BLTP1: variants seen among roughly 807,000 people sequenced by gnomAD.
BLTP1 encodes fragile site-associated protein.
chr4:122,270,372 G>A, the BLTP1 span: 1 of 983,410 alleles, frequency 1.0e-6, no homozygotes, highest in Non-Finnish European at 1.2e-6. Flanking sequence ...GGTGCTTGGG[G>A]CTTATTGTTA....
At chr4:122,290,945 ATTTC>A in the BLTP1 span, 1 of 758,462 alleles carries the variant, frequency 1.3e-6, no homozygotes, top group Non-Finnish European at 1.6e-6. Context: ...CTAATCTTGT[ATTTC>A]TTATGGTAAA....
the BLTP1 span, chr4:122,174,426 A>G: frequency 1.4e-6 from 2 of 1,391,468 alleles, no homozygotes; most frequent in South Asian, 3.1e-5. Context: ...GAATGATGGA[A>G]AATCAGTAAG....
At chr4:122,291,648 C>A in the BLTP1 span, 2 of 729,318 alleles carry the variant, frequency 2.7e-6, no homozygotes, top group Non-Finnish European at 3.4e-6. Flanking sequence ...TGTAAGTAAG[C>A]ACTGATCAAG....
chr4:122,314,902 GCC>G, the BLTP1 span, among the ~76,000 whole-genome samples: 4 of 152,116 alleles, frequency 2.6e-5, no homozygotes, highest in African/African-American at 9.7e-5. Context: ...CAATTCAGGA[GCC>G]CTTAGGAACT....
the BLTP1 span, among the ~76,000 whole-genome samples, chr4:122,230,470 A>G: frequency 5.9e-5 from 9 of 152,222 alleles, no homozygotes; most frequent in African/African-American, 2.2e-4. Context: ...GTATGCCAAC[A>G]GTGAAACAAG....
chr4:122,170,935 T>C, the BLTP1 span, among the ~76,000 whole-genome samples: 1 of 152,164 alleles, frequency 6.6e-6, no homozygotes, highest in Non-Finnish European at 1.5e-5. Context: ...TACTTTTTCT[T>C]AGGCTGCATT....
the BLTP1 span, chr4:122,184,787 A>T: frequency 8.1e-6 from 8 of 985,410 alleles, no homozygotes; most frequent in Non-Finnish European, 9.6e-6. Context: ...AAACTGCAAA[A>T]TGCCCATTTC....
At chr4:122,343,325 A>T in the BLTP1 span, 1 of 1,536,296 alleles carries the variant, frequency 6.5e-7, no homozygotes, top group Non-Finnish European at 8.8e-7. Flanking sequence ...TTTATTCTGA[A>T]GTCATGTCTG....
At chr4:122,353,054 G>C in the BLTP1 span, 4 of 1,613,870 alleles carry the variant, frequency 2.5e-6, no homozygotes, top group Non-Finnish European at 3.4e-6. The surrounding 1 kb of genome is among the most constrained non-coding windows in gnomAD (Gnocchi z 4.3). Flanking sequence ...ACACTGGCAT[G>C]TTTTCATGGT....
chr4:122,220,392 A>G, the BLTP1 span: 1 of 1,613,430 alleles, frequency 6.2e-7, no homozygotes, highest in Non-Finnish European at 8.5e-7. Context: ...TATGTTTTGA[A>G]ATGAAAAAAG....
chr4:122,224,426 TG>T, the BLTP1 span: 2 of 1,480,452 alleles, frequency 1.4e-6, no homozygotes, highest in Non-Finnish European at 1.8e-6. Context: ...GCAGGGGGTG[TG>T]GGGGGAAACA....
At chr4:122,152,979 C>A in the BLTP1 span, 2 of 985,160 alleles carry the variant, frequency 2.0e-6, no homozygotes, top group Non-Finnish European at 2.4e-6. Context: ...GTCGGTTGAC[C>A]GAGGGCGGGG....
At chr4:122,286,841 A>G in the BLTP1 span, 2 of 1,419,836 alleles carry the variant, frequency 1.4e-6, no homozygotes, top group Admixed American at 2.0e-5. Context: ...TTCAAGATTT[A>G]TATGTACCAA....
chr4:122,333,799 T>C, the BLTP1 span: 1 of 1,608,198 alleles, frequency 6.2e-7, no homozygotes. Flanking sequence ...ATTCCCGGAG[T>C]TGATGTAAAG....
the BLTP1 span, chr4:122,273,146 T>G: frequency 8.9e-5 from 75 of 847,068 alleles, no homozygotes; most frequent in East Asian, 3.7e-4. Flanking sequence ...TTATATTACA[T>G]GAGAAAAGGA....
At chr4:122,239,381 T>C in the BLTP1 span, 1 of 803,050 alleles carries the variant, frequency 1.2e-6, no homozygotes, top group Admixed American at 3.1e-5. Context: ...GGGTATTTTA[T>C]TATAAAATTG....
At chr4:122,267,147 C>T in the BLTP1 span, among the ~76,000 whole-genome samples, 14,418 of 142,788 alleles carry the variant, frequency 0.1, 869 homozygotes, top group South Asian at 0.26. Flanking sequence ...CAAGCTCCAC[C>T]TCCCGGGTTC....
At chr4:122,336,785 T>G in the BLTP1 span, 57 of 1,349,404 alleles carry the variant, frequency 4.2e-5, no homozygotes, top group Non-Finnish European at 5.3e-5. Flanking sequence ...CGGGTGTTCA[T>G]ACCTTTCATC....
the BLTP1 span, chr4:122,187,023 A>G: frequency 3.0e-6 from 3 of 985,082 alleles, no homozygotes; most frequent in Non-Finnish European, 1.2e-6. Flanking sequence ...GAAGTGCTTA[A>G]AACAGTAGAC....
Sources: gnomAD v4.1 joint callset for allele counts (sites outside exome capture counted in the v4.1 genomes callset) on GRCh38, gnomAD v4.1.1 for gene constraint, Gnocchi (gnomAD v3.1) non-coding constraint, MANE v1.5 for transcripts, NCBI Gene and HGNC (gene_info 2026-07-23, HGNC 2026-07-21) for gene names.